ARMC8: variants seen among roughly 807,000 people sequenced by gnomAD.
ARMC8 encodes armadillo repeat containing 8.
In ARMC8, 20 loss-of-function variants were observed where a neutral mutation model predicts 99.3. That is an observed-to-expected ratio of 0.20 (90% CI 0.14 to 0.29). The LOEUF is 0.29. Among genes scored for constraint, ARMC8 ranks in the 10% least tolerant of loss-of-function variants. The probability of loss-of-function intolerance (pLI) is 1.00; values close to 1 mark genes in which losing one functional copy is unlikely to be tolerated. For synonymous variants in ARMC8, 263 were observed against 278.3 expected, an observed-to-expected ratio of 0.95 and a Z score of 0.55; for missense variants, 569 against 809.5, an observed-to-expected ratio of 0.70 and a Z score of 3.60.
chr3:138,265,971 CACTACTCAGG>C (rs2048244574), intron 14 of ARMC8, among the ~76,000 whole-genome samples: 1 of 152,168 alleles, frequency 6.6e-6, no homozygotes, highest in African/African-American at 2.4e-5. Context: ...GTGTATGATT[CACTACTCAGG>C]AGCTGTCAGG....
At position 138,187,402 on chromosome 3, in the gene ARMC8, C is replaced by T. The variant is rs2043121916; in HGVS notation, c.-153C>T. On this transcript the variant is annotated 5_prime_UTR_variant, in exon 1 of 22. Transcript: ENST00000469044. ...TCCCTTTTGCCCTTCTTTCTGCGGG[C>T]CTTTCCGGTACTTGAGCGGTGTCCA... The T allele has an allele frequency of 2.6e-5, 18 of 683,346 alleles. No homozygotes were observed. In the South Asian group the frequency reaches 3.3e-4, roughly 12 times the overall value. 42.3% of individuals were successfully genotyped at this position (683,346 alleles called of 1,614,324 possible). A position where few individuals can be genotyped will look rare whatever the true frequency, so the allele number is the denominator to read the frequency against.
At chr3:138,265,274 T>A (rs1234281274) in intron 14 of ARMC8, among the ~76,000 whole-genome samples, 1 of 152,208 alleles carries the variant, frequency 6.6e-6, no homozygotes. Flanking sequence ...CAAAAAAGGT[T>A]CAGGACAAAT....
chr3:138,212,197 T>C (rs2044733753), intron 2 of ARMC8, among the ~76,000 whole-genome samples: 1 of 152,222 alleles, frequency 6.6e-6, no homozygotes, highest in African/African-American at 2.4e-5. Context: ...GATAGAAATA[T>C]TTATTCTTTC....
chr3:138,225,337 C>A (rs1054511396), intron 5 of ARMC8, among the ~76,000 whole-genome samples: 2 of 152,124 alleles, frequency 1.3e-5, no homozygotes, highest in Non-Finnish European at 2.9e-5. Flanking sequence ...TCTGGATCTC[C>A]TGACCTCATG....
intron 21 of ARMC8, among the ~76,000 whole-genome samples, chr3:138,295,147 C>T (rs1410789755): frequency 1.3e-5 from 2 of 152,138 alleles, no homozygotes; most frequent in African/African-American, 2.4e-5. Flanking sequence ...GATCTGCCCT[C>T]CTCAGCCTCC....
At chr3:138,231,787 G>A (rs562342353) in intron 6 of ARMC8, among the ~76,000 whole-genome samples, 45 of 148,816 alleles carry the variant, frequency 3.0e-4, no homozygotes, top group African/African-American at 1.0e-3. Flanking sequence ...CTCTGGGGGG[G>A]GAAAAAAAAA....
intron 10 of ARMC8, among the ~76,000 whole-genome samples, chr3:138,240,009 T>G (rs985783312): frequency 3.3e-5 from 5 of 152,176 alleles, no homozygotes; most frequent in African/African-American, 1.2e-4. Flanking sequence ...ATATACAACT[T>G]GAATTTAGAA....
At chr3:138,194,559 C>T (rs1310437135) in intron 1 of ARMC8, among the ~76,000 whole-genome samples, 6 of 151,414 alleles carry the variant, frequency 4.0e-5, no homozygotes, top group Non-Finnish European at 7.4e-5. Flanking sequence ...AGGATGGTCT[C>T]GATCTCCTGA....
At chr3:138,264,654 G>A (rs555264151) in intron 14 of ARMC8, among the ~76,000 whole-genome samples, 1 of 151,780 alleles carries the variant, frequency 6.6e-6, no homozygotes. Flanking sequence ...TCCTGACCAC[G>A]TGATCTGCCC....
chr3:138,198,958 A>G lies in ARMC8; in HGVS notation c.46-10859A>G, dbSNP rs548530300. Reference sequence around the variant, plus strand: ...TATGCTATACAAGTATATTAAATTTAAAAATTATATATTTTAGTGTTTTTA... The same window carrying G: ...TATGCTATACAAGTATATTAAATTTGAAAATTATATATTTTAGTGTTTTTA... On this transcript the variant is annotated intron_variant, in intron 1 of 21. Coordinates refer to ENST00000469044, the MANE Select transcript of ARMC8 (RefSeq NM_001363941.2). Among the ~76,000 whole-genome samples, 6 of 152,262 alleles carry G rather than the reference A, an allele frequency of 3.9e-5. No individual in the cohort carries two copies. In the South Asian group the frequency reaches 1.0e-3, roughly 26 times the overall value.
chr3:138,196,428 T>G (rs1162660145), intron 1 of ARMC8, among the ~76,000 whole-genome samples: 3 of 152,106 alleles, frequency 2.0e-5, no homozygotes, highest in Admixed American at 1.3e-4. Context: ...TCTTAGCTGT[T>G]TAAGGATGAG....
chr3:138,289,766 G>C (rs544394001), intron 20 of ARMC8, among the ~76,000 whole-genome samples: 6 of 152,198 alleles, frequency 3.9e-5, no homozygotes, highest in East Asian at 3.9e-4. Context: ...GGGTCTCAAG[G>C]CTGGGTTGGC....
chr3:138,215,024 A>G (rs1461142504), intron 2 of ARMC8, among the ~76,000 whole-genome samples: 3 of 152,214 alleles, frequency 2.0e-5, no homozygotes, highest in Non-Finnish European at 4.4e-5. Context: ...AGTGATCTGC[A>G]TCTTACTTAT....
rs749859 is a variant in ARMC8 at position 138,187,305 on chromosome 3, C to G, written c.-250C>G. 113 of 437,148 alleles carry G rather than the reference C, an allele frequency of 2.6e-4. No homozygotes were observed. Among genetic ancestry groups the G allele is most frequent in the African/African-American group, 2.0e-3 (97 of 49,132 alleles). The allele number at this position is 437,148 out of a possible 1,614,324, so 27.1% of individuals were successfully genotyped here. ...CGCATGCGGAAACCGCTGCCCGCTTCCACCTCTAACCCAGGCTCAGAGTAG... is the reference window on the plus strand; with the variant it reads ...CGCATGCGGAAACCGCTGCCCGCTTGCACCTCTAACCCAGGCTCAGAGTAG... On this transcript the variant is annotated 5_prime_UTR_variant, in exon 1 of 22. Coordinates refer to ENST00000469044, the MANE Select transcript of ARMC8 (RefSeq NM_001363941.2).
At chr3:138,259,859 TC>T (rs1365791752) in intron 12 of ARMC8, among the ~76,000 whole-genome samples, 1 of 152,244 alleles carries the variant, frequency 6.6e-6, no homozygotes, top group African/African-American at 2.4e-5. Flanking sequence ...TTTTCCACTG[TC>T]CTAGATTGTA....
At chr3:138,220,206 A>G (rs1396608936) in intron 2 of ARMC8, among the ~76,000 whole-genome samples, 2 of 152,224 alleles carry the variant, frequency 1.3e-5, no homozygotes, top group Non-Finnish European at 2.9e-5. Flanking sequence ...GGCATCCATG[A>G]GGATGCGGGA....
At chr3:138,205,052 TTTC>T (rs1403887466) in intron 1 of ARMC8, among the ~76,000 whole-genome samples, 1 of 148,632 alleles carries the variant, frequency 6.7e-6, no homozygotes, top group East Asian at 1.9e-4. Context: ...TCTCTTTTCT[TTTC>T]TTTTCTTTTT....
chr3:138,218,490 A>C (rs1272039950), intron 2 of ARMC8, among the ~76,000 whole-genome samples: 1 of 152,080 alleles, frequency 6.6e-6, no homozygotes, highest in Non-Finnish European at 1.5e-5. Flanking sequence ...TTTCATTTCC[A>C]ATATGGTCTT....
intron 1 of ARMC8, among the ~76,000 whole-genome samples, chr3:138,203,174 C>T (rs1026433399): frequency 1.3e-5 from 2 of 152,202 alleles, no homozygotes; most frequent in Non-Finnish European, 2.9e-5. Flanking sequence ...CTCCAACAAT[C>T]TTATTTTATG....
Sources: gnomAD v4.1 joint callset for allele counts (sites outside exome capture counted in the v4.1 genomes callset) on GRCh38, gnomAD v4.1.1 for gene constraint, MANE v1.5 for transcripts, NCBI Gene and HGNC (gene_info 2026-07-23, HGNC 2026-07-21) for gene names.